The following NBPF4 variants were observed in gnomAD, a reference collection of about 807,000 sequenced individuals.
The protein encoded by NBPF4 is NBPF member 4.
A neutral mutation model predicts 21.1 loss-of-function variants in NBPF4; 11 were observed. The observed-to-expected ratio is 0.52, with a 90% CI of 0.33 to 0.86. The LOEUF is 0.86. Among genes scored for constraint, NBPF4 ranks in the 40% least tolerant of loss-of-function variants. The pLI is 0.03. For synonymous variants in NBPF4, 47 were observed against 106.4 expected (o/e 0.44, Z 3.43); for missense variants, 88 against 265.3 (o/e 0.33, Z 4.64).
Position 108,222,698 on chromosome 1 carries a change from T to C in NBPF4, c.*1007A>G, listed in dbSNP as rs1281467052. Among the ~76,000 whole-genome samples, 4 of 152,196 alleles carry C rather than the reference T, an allele frequency of 2.6e-5. No individual in the cohort carries two copies. Among genetic ancestry groups the C allele is most frequent in the Admixed American group, 2.6e-4 (4 of 15,278 alleles). ...GCAAGTATAAGGTAAGATTTTGAGA[T>C]AGACAATTTTCAATGTACAAACTTA... On this transcript the variant is annotated 3_prime_UTR_variant, in exon 15 of 15. Transcript: ENST00000415641.
intron 14 of NBPF4, among the ~76,000 whole-genome samples, chr1:108,226,151 G>C (rs1489652492): frequency 7.1e-6 from 1 of 140,332 alleles, no homozygotes; most frequent in South Asian, 2.6e-4. Flanking sequence ...TAGTTTCCTA[G>C]AGGGGCTCTT....
At chr1:108,241,407 C>T (rs1294032296) in intron 3 of NBPF4, among the ~76,000 whole-genome samples, 2 of 146,438 alleles carry the variant, frequency 1.4e-5, no homozygotes, top group Non-Finnish European at 3.0e-5. Context: ...CAAACACACA[C>T]ACACACAGCC....
chr1:108,222,644 G>T lies in NBPF4; in HGVS notation c.*1061C>A, dbSNP rs1330772376. Among the ~76,000 whole-genome samples, 1 of 152,166 alleles carries T rather than the reference G, an allele frequency of 6.6e-6. No homozygotes were observed. The highest frequency in any genetic ancestry group is 2.4e-5 in the African/African-American group (1 of 41,446). On this transcript the variant is annotated 3_prime_UTR_variant, in exon 15 of 15. Transcript: ENST00000415641. ...GAAAGTTAAAATTTGGGCAGGGAAT[G>T]ATCTTTTTTACAAAGAATGCCAGCA...
the NBPF4 span, among the ~76,000 whole-genome samples, chr1:108,265,107 C>T: frequency 2.6e-5 from 4 of 152,120 alleles, no homozygotes; most frequent in African/African-American, 9.7e-5. Flanking sequence ...AACAGGCAAC[C>T]TCCAAAATGG....
chr1:108,229,057 G>A lies in NBPF4; in HGVS notation c.1523C>T (p.Thr508Ile). 5 of 1,550,936 alleles carry A rather than the reference G, an allele frequency of 3.2e-6. No individual in the cohort carries two copies. The highest frequency in any genetic ancestry group is 4.4e-6 in the Non-Finnish European group (5 of 1,146,484). ...QVSQAQLEPS[T>I]LVPSCLRLQL... is the part of the protein sequence containing the mutation. The stretch of plus-strand genomic sequence containing the variant: ...TAGTCGCAGACAACTGGGCACCAGG[G>A]TGCTTGGTTCCAGCTGTGCCTGTGA... Residue 508 changes from threonine to isoleucine, a missense_variant, in exon 13 of 15, where the codon ACC becomes ATC. This residue lies in a region of NBPF4 where 60 missense variants were observed against 86.5 expected (regional missense o/e 0.69). Transcript: ENST00000415641.
chr1:108,257,767 T>TC, the NBPF4 span, among the ~76,000 whole-genome samples: 10 of 107,410 alleles, frequency 9.3e-5, no homozygotes, highest in African/African-American at 2.6e-4. Flanking sequence ...CTTTTCTTTT[T>TC]TTTTTTTTTT....
At chr1:108,244,953 C>T (rs1446455960), upstream of NBPF4, among the ~76,000 whole-genome samples, 113 of 27,790 alleles carry the variant, frequency 4.1e-3, 2 homozygotes, top group African/African-American at 0.011. Context: ...TATATACACA[C>T]ACATATAGAG....
chr1:108,250,422 C>T, the NBPF4 span, among the ~76,000 whole-genome samples: 2 of 150,682 alleles, frequency 1.3e-5, no homozygotes, highest in Non-Finnish European at 3.0e-5. Flanking sequence ...ACCTTTTTCG[C>T]TATTTAATAG....
At chr1:108,252,842 A>AT in the NBPF4 span, among the ~76,000 whole-genome samples, 1 of 43,638 alleles carries the variant, frequency 2.3e-5, no homozygotes, top group Non-Finnish European at 3.9e-5. Context: ...TAGGTTGTTA[A>AT]TTTTTTTCTT....
chr1:108,257,762 C>T, the NBPF4 span, among the ~76,000 whole-genome samples: 78 of 54,766 alleles, frequency 1.4e-3, no homozygotes, highest in Non-Finnish European at 1.9e-3. Context: ...CTTTTCTTTT[C>T]TTTTTTTTTT....
chr1:108,223,658 T>A lies in NBPF4; in HGVS notation c.*47A>T. 1.3e-6 allele frequency: 2 copies of A among 1,564,568 alleles called. No homozygotes were observed. The highest frequency in any genetic ancestry group is 1.7e-6 in the Non-Finnish European group (2 of 1,149,740). On this transcript the variant is annotated 3_prime_UTR_variant, in exon 15 of 15. Coordinates refer to ENST00000415641, the MANE Select transcript of NBPF4 (RefSeq NM_001143989.3). ...TTTGGACTTAAACTTGCTTTGCTGT[T>A]TTAGTTGTTTTTATCAAGTGGAAAA...
intron 13 of NBPF4, among the ~76,000 whole-genome samples, chr1:108,228,517 G>A (rs1189618491): frequency 6.6e-5 from 10 of 151,886 alleles, no homozygotes; most frequent in African/African-American, 1.9e-4. Context: ...GACATCGTCC[G>A]TGAAGTCACT....
At chr1:108,267,915 A>ATTTG in the NBPF4 span, among the ~76,000 whole-genome samples, 1,609 of 110,498 alleles carry the variant, frequency 0.015, 253 homozygotes, top group African/African-American at 0.051. Flanking sequence ...TATAGAGGTT[A>ATTTG]TTTGTTTGTT....
the NBPF4 span, among the ~76,000 whole-genome samples, chr1:108,259,561 C>T: frequency 6.9e-6 from 1 of 144,528 alleles, no homozygotes; most frequent in East Asian, 1.9e-4. Context: ...CCTTCTTTTA[C>T]CTGTTCCTAT....
At chr1:108,248,059 C>CT (rs1279679413), upstream of NBPF4, among the ~76,000 whole-genome samples, 3 of 151,968 alleles carry the variant, frequency 2.0e-5, no homozygotes, top group Admixed American at 6.6e-5. Flanking sequence ...CACTCAAGAA[C>CT]TTTTTATTGA....
intron 14 of NBPF4, among the ~76,000 whole-genome samples, chr1:108,224,954 CAGA>C (rs1278705985): frequency 3.4e-5 from 5 of 145,022 alleles, no homozygotes; most frequent in Non-Finnish European, 7.6e-5. Flanking sequence ...GGGGATTTTG[CAGA>C]AGGACAATAA....
chr1:108,229,130 C>T lies in NBPF4; in HGVS notation c.1450G>A (p.Gly484Arg), dbSNP rs2101678855. Residue 484 changes from glycine to arginine, a missense_variant, in exon 13 of 15, where the codon GGG becomes AGG. Gly to Arg is a moderately radical substitution (Grantham distance 125). This residue lies in a region of NBPF4 where 60 missense variants were observed against 86.5 expected (regional missense o/e 0.69). Transcript: ENST00000415641. ...ASPTEAACPQGTWSGDLSHHQ... is the reference protein window; with the variant it reads ...ASPTEAACPQRTWSGDLSHHQ... Reference sequence around the variant, plus strand: ...TGGCTCAAGTCTCCACTCCAAGTCCCTTGGGGACAGGCCGCCTCGGTGGGG... The same window carrying T: ...TGGCTCAAGTCTCCACTCCAAGTCCTTTGGGGACAGGCCGCCTCGGTGGGG... 3.2e-6 allele frequency: 5 copies of T among 1,550,938 alleles called. No homozygotes were observed. The East Asian group carries it at 1.2e-4, about 38-fold the overall frequency.
chr1:108,244,011 T>TTGTCAGAGTCG lies in NBPF4; in HGVS notation c.-149_-148insCGACTCTGACA. Reference sequence around the variant, plus strand: ...AAGGCACTGCCTGTAGCTCCGACTCTGACAAGAGTGAGGGAGGTAGCAGCC... The same window carrying TTGTCAGAGTCG: ...AAGGCACTGCCTGTAGCTCCGACTCTTGTCAGAGTCGGACAAGAGTGAGGGAGGTAGCAGCC... On this transcript the variant is annotated 5_prime_UTR_variant, in exon 1 of 15. Transcript: ENST00000415641. The TTGTCAGAGTCG allele has an allele frequency of 5.5e-6, 3 of 541,718 alleles. No individual in the cohort carries two copies. Among genetic ancestry groups the TTGTCAGAGTCG allele is most frequent in the Non-Finnish European group, 8.0e-6 (3 of 373,338 alleles). 33.6% of individuals were successfully genotyped at this position (541,718 alleles called of 1,614,324 possible). A position where few individuals can be genotyped will look rare whatever the true frequency, so the allele number is the denominator to read the frequency against.
chr1:108,226,681 C>G lies in NBPF4; in HGVS notation c.1873G>C (p.Glu625Gln), dbSNP rs1649485679. 1 of 1,334,324 alleles carries G rather than the reference C, an allele frequency of 7.5e-7. No homozygotes were observed. Among genetic ancestry groups the G allele is most frequent in the Non-Finnish European group, 1.0e-6 (1 of 999,210 alleles). The allele number at this position is 1,334,324 out of a possible 1,614,324, so 82.7% of individuals were successfully genotyped here. Residue 625 changes from glutamate to glutamine, a missense_variant and splice_region_variant, in exon 14 of 15, where the codon GAG becomes CAG. By Grantham distance (29) the Glu-to-Gln change is conservative. This residue lies in a region of NBPF4 where 17 missense variants were observed against 20.7 expected (regional missense o/e 0.82). Transcript: ENST00000415641. ...CTATCAGCCATAGATGTGATTACCTCTGCGCTCTCAGCATGCGGGCCAGCG... is the reference window on the plus strand; with the variant it reads ...CTATCAGCCATAGATGTGATTACCTGTGCGCTCTCAGCATGCGGGCCAGCG... ...RFAGPHAESA[E>Q]IPNTAGRTQR...
Sources: gnomAD v4.1 joint callset for allele counts (sites outside exome capture counted in the v4.1 genomes callset) on GRCh38, gnomAD v4.1.1 for gene constraint, gnomAD v4.1.1 regional missense constraint, MANE v1.5 for transcripts, NCBI Gene and HGNC (gene_info 2026-07-23, HGNC 2026-07-21) for gene names.